PKIG: variants seen among roughly 807,000 people sequenced by gnomAD.
The protein encoded by PKIG is protein kinase (cAMP-dependent, catalytic) inhibitor gamma.
In PKIG, 1 loss-of-function variant was observed where a neutral mutation model predicts 6.8. The ratio of observed to expected loss-of-function variants is 0.15; its 90% confidence interval spans 0.05 to 0.69. PKIG has a LOEUF of 0.69. Among genes scored for constraint, PKIG ranks in the 30% least tolerant of loss-of-function variants. PKIG has a pLI of 0.82. For synonymous variants in PKIG, 39 were observed against 43.0 expected (o/e 0.91, Z 0.36); for missense variants, 77 against 104.0 (o/e 0.74, Z 1.13).
At chr20:44,540,665 A>G (rs61084854) in intron 1 of PKIG, among the ~76,000 whole-genome samples, 10,703 of 151,386 alleles carry the variant, frequency 0.071, 412 homozygotes, top group South Asian at 0.15. Context: ...TGCAACCTCT[A>G]CCTCCTGGGT....
chr20:44,608,061 T>A (rs2065183086), intron 2 of PKIG, among the ~76,000 whole-genome samples: 1 of 152,032 alleles, frequency 6.6e-6, no homozygotes, highest in African/African-American at 2.4e-5. Flanking sequence ...ATATATTGCA[T>A]AAATTTTGTC....
intron 2 of PKIG, among the ~76,000 whole-genome samples, chr20:44,611,131 G>A (rs1056166611): frequency 6.1e-5 from 9 of 148,520 alleles, no homozygotes; most frequent in Non-Finnish European, 1.2e-4. Context: ...CTCAGCTCAC[G>A]GCAGTCTCCG....
At chr20:44,610,500 T>TCTCACA (rs1555841182) in intron 2 of PKIG, among the ~76,000 whole-genome samples, 4,707 of 135,330 alleles carry the variant, frequency 0.035, 108 homozygotes, top group Middle Eastern at 0.056. Context: ...TCTCTCTCTC[T>TCTCACA]CACACACACA....
intron 2 of PKIG, among the ~76,000 whole-genome samples, chr20:44,592,881 G>GCGAT (rs2065044573): frequency 6.6e-6 from 1 of 152,146 alleles, no homozygotes; most frequent in Admixed American, 6.5e-5. Flanking sequence ...ACTACCCAAA[G>GCGAT]CGATCTACAG....
chr20:44,553,123 C>A (rs2064683350), intron 1 of PKIG, among the ~76,000 whole-genome samples: 1 of 152,058 alleles, frequency 6.6e-6, no homozygotes, highest in Non-Finnish European at 1.5e-5. Flanking sequence ...ATTTTTCTTC[C>A]CACCGCCTCA....
At chr20:44,611,802 A>G (rs1237146370) in intron 2 of PKIG, among the ~76,000 whole-genome samples, 1 of 151,914 alleles carries the variant, frequency 6.6e-6, no homozygotes, top group Non-Finnish European at 1.5e-5. Flanking sequence ...TACAGGTGTG[A>G]GCCACTGTGC....
At chr20:44,600,970 G>A (rs528063841) in intron 2 of PKIG, among the ~76,000 whole-genome samples, 2 of 152,098 alleles carry the variant, frequency 1.3e-5, no homozygotes, top group East Asian at 1.9e-4. Flanking sequence ...AGATTATTTC[G>A]GGAAAGGATA....
rs546064693 is a variant in PKIG, at chr20:44,540,270, CA to C, written c.-241+8294del. ...GCCACTGTGCCTGGCCCAGTTTTTC[CA>C]ATATTTAAACAACCAACCTGTGCTA... On this transcript the variant is annotated intron_variant, in intron 1 of 4. Coordinates refer to the PKIG transcript ENST00000372887. 2.2e-3 allele frequency among the ~76,000 whole-genome samples: 339 copies of C among 152,118 alleles called. 1 individual carries two copies. The highest frequency in any genetic ancestry group is 3.2e-3 in the Non-Finnish European group (215 of 67,972).
intron 3 of PKIG, 86 bp from the exon 4 acceptor site, chr20:44,618,199 C>A: frequency 1.2e-6 from 1 of 847,320 alleles, no homozygotes; most frequent in Non-Finnish European, 2.1e-6. Flanking sequence ...CCACTGCTAT[C>A]AGTTTGGCTG....
At chr20:44,551,228 G>A in intron 1 of PKIG, among the ~76,000 whole-genome samples, 1 of 152,038 alleles carries the variant, frequency 6.6e-6, no homozygotes, top group East Asian at 1.9e-4. Flanking sequence ...TAATTTTTTT[G>A]TATTTTTAGT....
At chr20:44,579,329 T>C (rs577015167), upstream of PKIG, among the ~76,000 whole-genome samples, 1 of 152,342 alleles carries the variant, frequency 6.6e-6, no homozygotes, top group East Asian at 1.9e-4. Context: ...AGCCAAAGTT[T>C]CCTTCATCCT....
chr20:44,583,284 G>A (rs11699989), intron 1 of PKIG, among the ~76,000 whole-genome samples: 19 of 152,322 alleles, frequency 1.2e-4, no homozygotes, highest in South Asian at 6.2e-4. Context: ...AAGATGGAAA[G>A]GGGTTGGAAA....
intron 2 of PKIG, among the ~76,000 whole-genome samples, chr20:44,610,567 T>C (rs1017259242): frequency 6.7e-6 from 1 of 149,238 alleles, no homozygotes; most frequent in Non-Finnish European, 1.5e-5. Flanking sequence ...CCTGGGTGCC[T>C]TCTGGGCACT....
rs1481758841 is a variant in PKIG at position 44,591,193 on chromosome 20, G to A, written c.-24+1327G>A. On this transcript the variant is annotated intron_variant, in intron 2 of 3. Transcript: ENST00000372886. ...GAAGAGTGGGCGGGGACAGGCTGGGGGCTTGCGGAGCAGCACAGCGAAGGC... is the reference window on the plus strand; with the variant it reads ...GAAGAGTGGGCGGGGACAGGCTGGGAGCTTGCGGAGCAGCACAGCGAAGGC... Among the ~76,000 whole-genome samples the A allele has an allele frequency of 3.9e-5, 6 of 152,194 alleles. No individual in the cohort carries two copies. The East Asian group carries it at 9.7e-4, about 25-fold the overall frequency.
chr20:44,615,986 C>T (rs990743023), intron 3 of PKIG, among the ~76,000 whole-genome samples: 2 of 152,184 alleles, frequency 1.3e-5, no homozygotes, highest in Non-Finnish European at 2.9e-5. Flanking sequence ...ATTCATTCTC[C>T]TCTGTCACGT....
chr20:44,568,743 C>G (rs1380220766), intron 1 of PKIG, among the ~76,000 whole-genome samples: 1 of 152,154 alleles, frequency 6.6e-6, no homozygotes, highest in Non-Finnish European at 1.5e-5. Flanking sequence ...GCCACTGCAC[C>G]TGGCTCTTAT....
chr20:44,610,485 T>TTC (rs1555841159), intron 2 of PKIG, among the ~76,000 whole-genome samples: 97 of 129,344 alleles, frequency 7.5e-4, no homozygotes, highest in African/African-American at 1.7e-3. Context: ...TCTCTCTCTC[T>TTC]TCTCTCTCTC....
chr20:44,548,675 A>G (rs1174489796), intron 1 of PKIG, among the ~76,000 whole-genome samples: 1 of 152,090 alleles, frequency 6.6e-6, no homozygotes, highest in Non-Finnish European at 1.5e-5. Flanking sequence ...GCTTATAACA[A>G]TTTGCTCAAC....
chr20:44,538,274 T>C (rs1278161873), intron 1 of PKIG, among the ~76,000 whole-genome samples: 1 of 152,212 alleles, frequency 6.6e-6, no homozygotes, highest in South Asian at 2.1e-4. Flanking sequence ...TGTAAATCCA[T>C]GATATCATTT....
Sources: allele counts gnomAD v4.1 joint callset (sites outside exome capture counted in the v4.1 genomes callset), GRCh38; gene constraint gnomAD v4.1.1; transcripts MANE v1.5; gene names NCBI Gene and HGNC (gene_info 2026-07-23, HGNC 2026-07-21).